Variants in ATP11B observed in about 807,000 individuals in gnomAD.
ATP11B encodes phospholipid-transporting ATPase IF.
In ATP11B, 81 loss-of-function variants were observed where a neutral mutation model predicts 157.8. The ratio of observed to expected loss-of-function variants is 0.51; its 90% confidence interval spans 0.43 to 0.62. The LOEUF (loss-of-function observed/expected upper bound fraction) is 0.62, where lower values mean the gene tolerates loss of function less well. ATP11B is among the 20% of genes least tolerant of loss of function. The probability of loss-of-function intolerance (pLI) is 0.00; values close to 1 mark genes in which losing one functional copy is unlikely to be tolerated. For missense variants in ATP11B, 1,165 were observed against 1,402.2 expected (o/e 0.83, Z 2.70); for synonymous variants, 451 against 469.4 (o/e 0.96, Z 0.51).
At chr3:182,854,752 TAC>T (rs71183649) in intron 10 of ATP11B, among the ~76,000 whole-genome samples, 14,543 of 145,232 alleles carry the variant, frequency 0.1, 897 homozygotes, top group East Asian at 0.26. Flanking sequence ...TGCATGTGTT[TAC>T]ACACACACAC....
intron 19 of ATP11B, among the ~76,000 whole-genome samples, chr3:182,874,332 T>C (rs1721876761): frequency 6.6e-6 from 1 of 152,196 alleles, no homozygotes; most frequent in African/African-American, 2.4e-5. Flanking sequence ...CAAAATACTC[T>C]CTCTTCAGCT....
chr3:182,869,143 C>T lies in ATP11B; in HGVS notation c.1754C>T (p.Ala585Val), dbSNP rs1234803581. The T allele has an allele frequency of 1.2e-6, 2 of 1,610,164 alleles. No individual in the cohort carries two copies. Among genetic ancestry groups the T allele is most frequent in the South Asian group, 2.2e-5 (2 of 90,290 alleles). The change falls in exon 16 of 30, where the codon GCA becomes GTA. Residue 585 changes from alanine (A) to valine (V), a missense_variant. By Grantham distance (64) the Ala-to-Val change is moderately conservative. This residue lies in a region of ATP11B where 737 missense variants were observed against 930.5 expected (regional missense o/e 0.79). Transcript: ENST00000323116. ...AGGAGAATGAGTGTAATTGTTCAGG[C>T]ACCTTCAGGTAACCAATCTAAACTT... is the stretch of plus-strand genomic sequence containing the variant. ...DRRRMSVIVQAPSGEKLLFAK... is the reference protein window; with the variant it reads ...DRRRMSVIVQVPSGEKLLFAK...
intron 7 of ATP11B, among the ~76,000 whole-genome samples, chr3:182,840,831 G>A (rs925725373): frequency 1.3e-5 from 2 of 152,120 alleles, no homozygotes; most frequent in African/African-American, 4.8e-5. Flanking sequence ...CTGGATTACT[G>A]CTATTTTATA....
At chr3:182,881,984 A>G (rs777124505) in intron 21 of ATP11B, among the ~76,000 whole-genome samples, 9 of 152,196 alleles carry the variant, frequency 5.9e-5, no homozygotes, top group Non-Finnish European at 1.2e-4. Flanking sequence ...TCAGACTGCT[A>G]ATGTCATTTC....
At chr3:182,795,053 T>C (rs1219075227) in intron 1 of ATP11B, among the ~76,000 whole-genome samples, 1 of 151,764 alleles carries the variant, frequency 6.6e-6, no homozygotes, top group African/African-American at 2.4e-5. Flanking sequence ...AAAAAAATTA[T>C]AAATAAGAAC....
chr3:182,909,420 C>A (rs973922635), intron 28 of ATP11B, among the ~76,000 whole-genome samples: 9 of 152,148 alleles, frequency 5.9e-5, no homozygotes, highest in African/African-American at 2.2e-4. Context: ...TTAAAAGTTA[C>A]CTCTTGGTAC....
intron 7 of ATP11B, among the ~76,000 whole-genome samples, chr3:182,840,197 C>CAA (rs1718898179): frequency 6.6e-6 from 1 of 152,156 alleles, no homozygotes; most frequent in Non-Finnish European, 1.5e-5. Context: ...TCATTGCTTT[C>CAA]TCCTCTTTGA....
At position 182,865,525 on chromosome 3, in the gene ATP11B, A is replaced by G. The variant is rs761049967; in HGVS notation, c.1270A>G (p.Ile424Val). Reference protein sequence around the residue: ...ENEMQFRECSINGMKYQEING... With the variant: ...ENEMQFRECSVNGMKYQEING... ...TGAGATGCAGTTTCGGGAATGTTCA[A>G]TTAATGGCATGAAATACCAAGAAAT... The change falls in exon 13 of 30, where the codon ATT (isoleucine) becomes GTT (valine). Residue 424 changes from isoleucine (I) to valine (V), a missense_variant. Physicochemically the swap from Ile to Val is conservative, Grantham distance 29 (BLOSUM62 3). Transcript: ENST00000323116. 2.5e-6 allele frequency: 4 copies of G among 1,613,864 alleles called. No homozygotes were observed. Among genetic ancestry groups the G allele is most frequent in the Non-Finnish European group, 3.4e-6 (4 of 1,179,838 alleles).
chr3:182,915,989 C>T, intron 29 of ATP11B: 1 of 984,774 alleles, frequency 1.0e-6, no homozygotes, highest in Non-Finnish European at 1.2e-6. Flanking sequence ...TTTTCTTACC[C>T]TTTTTCTCAT....
At position 182,879,478 on chromosome 3, in the gene ATP11B, AATT is replaced by A; in HGVS notation, c.2253-14_2253-12del. The A allele has an allele frequency of 3.8e-6, 6 of 1,584,844 alleles. No homozygotes were observed. Among genetic ancestry groups the A allele is most frequent in the Non-Finnish European group, 4.3e-6 (5 of 1,168,876 alleles). ...CTTCAAAGTATCTTACAGAGAATAT[AATT>A]ATTTTCTCTTTTAGAATTACAGAGG... On this transcript the variant is annotated splice_polypyrimidine_tract_variant and intron_variant, in intron 19 of 29. Coordinates refer to ENST00000323116, the MANE Select transcript of ATP11B (RefSeq NM_014616.3).
At chr3:182,829,569 G>C in intron 3 of ATP11B, 103 bp from the exon 4 acceptor site, 1 of 807,276 alleles carries the variant, frequency 1.2e-6, no homozygotes, top group Non-Finnish European at 2.0e-6. Flanking sequence ...GTGAAATCGT[G>C]AACTAAAGTA....
intron 21 of ATP11B, among the ~76,000 whole-genome samples, chr3:182,882,475 GA>G (rs770688696): frequency 2.6e-4 from 38 of 148,708 alleles, no homozygotes; most frequent in Admixed American, 3.3e-4. Flanking sequence ...TTATTTAGTA[GA>G]AAAAAAATGG....
rs532849468 is a variant in ATP11B, at chr3:182,875,548, T to G, written c.2252+1533T>G. On this transcript the variant is annotated intron_variant, in intron 19 of 29. Coordinates refer to ENST00000323116, the MANE Select transcript of ATP11B (RefSeq NM_014616.3). ...CCTCCGCCTTCCGGGTTCAAGTGAT[T>G]CTCCTGCCTCAGCCTCCTGCGTAGC... Among the ~76,000 whole-genome samples the G allele has an allele frequency of 1.8e-3, 279 of 152,276 alleles. 2 individuals carry two copies. The highest frequency in any genetic ancestry group is 6.4e-3 in the African/African-American group (264 of 41,550).
At chr3:182,906,778 A>T (rs1405484328) in intron 28 of ATP11B, among the ~76,000 whole-genome samples, 13 of 63,086 alleles carry the variant, frequency 2.1e-4, no homozygotes, top group African/African-American at 9.4e-4. Flanking sequence ...TATCTGTTTT[A>T]AAAAAAAAAA....
chr3:182,864,767 C>T (rs1262961995), intron 12 of ATP11B, among the ~76,000 whole-genome samples: 2 of 152,050 alleles, frequency 1.3e-5, no homozygotes, highest in Non-Finnish European at 2.9e-5. Flanking sequence ...ATCAGATTTT[C>T]ATGATGATCC....
intron 1 of ATP11B, among the ~76,000 whole-genome samples, chr3:182,807,237 A>G (rs551346645): frequency 6.6e-6 from 1 of 152,252 alleles, no homozygotes; most frequent in South Asian, 2.1e-4. Context: ...TTCCACCGTT[A>G]TCTCTTAAAT....
intron 17 of ATP11B, among the ~76,000 whole-genome samples, chr3:182,870,384 G>A (rs894508354): frequency 2.0e-5 from 3 of 152,114 alleles, no homozygotes; most frequent in Non-Finnish European, 4.4e-5. Flanking sequence ...ACTCACCTCT[G>A]CTCATCTGCC....
intron 1 of ATP11B, among the ~76,000 whole-genome samples, chr3:182,800,851 G>A (rs1019252480): frequency 1.4e-5 from 2 of 147,736 alleles, no homozygotes; most frequent in Admixed American, 1.4e-4. Context: ...CGCGATCTCC[G>A]CTCACTGCAA....
chr3:182,810,102 C>T (rs1388481148), intron 1 of ATP11B, among the ~76,000 whole-genome samples: 4 of 152,026 alleles, frequency 2.6e-5, no homozygotes, highest in East Asian at 1.9e-4. Flanking sequence ...GAAGCCGAGG[C>T]GAGCAGATCA....
Sources: allele counts gnomAD v4.1 joint callset (sites outside exome capture counted in the v4.1 genomes callset), GRCh38; gene constraint gnomAD v4.1.1; regional missense constraint gnomAD v4.1.1; transcripts MANE v1.5; gene names NCBI Gene and HGNC (gene_info 2026-07-23, HGNC 2026-07-21).